The following GRM4 variants were observed in gnomAD, a reference collection of about 807,000 sequenced individuals.
The protein encoded by GRM4 is metabotropic glutamate receptor 4.
GRM4 carries 28 observed loss-of-function variants against 81.7 expected under a neutral mutation model. The ratio of observed to expected loss-of-function variants is 0.34; its 90% CI spans 0.25 to 0.47. The LOEUF (loss-of-function observed/expected upper bound fraction) is 0.47. Among genes scored for constraint, GRM4 ranks in the 20% least tolerant of loss-of-function variants. GRM4 has a pLI of 1.00. For missense variants in GRM4, 948 were observed against 1,290.0 expected, an observed-to-expected ratio of 0.73 and a Z score of 4.06; for synonymous variants, 488 against 528.8, an observed-to-expected ratio of 0.92 and a Z score of 1.06.
chr6:34,122,008 T>C (rs1181170767), intron 2 of GRM4, among the ~76,000 whole-genome samples: 1 of 151,946 alleles, frequency 6.6e-6, no homozygotes, highest in African/African-American at 2.4e-5. Flanking sequence ...TGCTCAGTAC[T>C]GAGATGCCCG....
rs2499721 is a variant in GRM4 at position 34,115,165 on chromosome 6, A to G, written c.519+17813T>C. 6.3e-4 allele frequency among the ~76,000 whole-genome samples: 96 copies of G among 152,284 alleles called. No individual in the cohort carries two copies. Among genetic ancestry groups the G allele is most frequent in the African/African-American group, 2.3e-3 (95 of 41,564 alleles). On this transcript the variant is annotated intron_variant, in intron 2 of 10. Coordinates refer to ENST00000538487, the MANE Select transcript of GRM4 (RefSeq NM_000841.4). This position sits in a 1 kb window ranked among gnomAD's most constrained non-coding sequence, Gnocchi z 4.1. ...GTCAGGGCCCTGCCTAAACGCCAAC[A>G]CGCTGCCTCTGGGCCAGCCACCAGC...
At chr6:34,071,757 C>T (rs1651325486) in intron 3 of GRM4, among the ~76,000 whole-genome samples, 1 of 149,162 alleles carries the variant, frequency 6.7e-6, no homozygotes, top group African/African-American at 2.5e-5. Context: ...AACCATACAT[C>T]ACCACACAGA....
At chr6:34,053,386 T>C (rs1394098235) in intron 6 of GRM4, among the ~76,000 whole-genome samples, 1 of 151,050 alleles carries the variant, frequency 6.6e-6, no homozygotes, top group Non-Finnish European at 1.5e-5. Flanking sequence ...TGCCTGCCCC[T>C]CCCCCCAGGG....
At chr6:34,154,260 C>T (rs1455296652) in intron 1 of GRM4, among the ~76,000 whole-genome samples, 1 of 152,214 alleles carries the variant, frequency 6.6e-6, no homozygotes, top group Non-Finnish European at 1.5e-5. Context: ...TCCCCGCACA[C>T]ACCTCCCCTC....
Position 34,124,716 on chromosome 6 carries a change from G to A in GRM4, c.519+8262C>T, listed in dbSNP as rs1769953421. Among the ~76,000 whole-genome samples the A allele has an allele frequency of 3.9e-5, 6 of 152,196 alleles. No homozygotes were observed. The South Asian group carries it at 1.0e-3, about 26-fold the overall frequency. On this transcript the variant is annotated intron_variant, in intron 2 of 10. Coordinates refer to ENST00000538487, the MANE Select transcript of GRM4 (RefSeq NM_000841.4). ...GACGGACCGCTGCTCTAGCAGTGCC[G>A]GGCATGGAGATGGCCAGTAGGTTCA...
chr6:34,065,364 C>T (rs1766402869), intron 3 of GRM4, among the ~76,000 whole-genome samples: 1 of 150,322 alleles, frequency 6.7e-6, no homozygotes, highest in Non-Finnish European at 1.5e-5. Context: ...TGCCCCAAGT[C>T]TCTCTCGTTG....
intron 2 of GRM4, among the ~76,000 whole-genome samples, chr6:34,105,033 G>A (rs946092733): frequency 8.5e-5 from 13 of 152,134 alleles, no homozygotes; most frequent in African/African-American, 2.9e-4. Flanking sequence ...TGGCCAGGCC[G>A]AGAAAATTAA....
intron 3 of GRM4, among the ~76,000 whole-genome samples, chr6:34,072,533 C>A (rs1213902375): frequency 6.6e-6 from 1 of 152,036 alleles, no homozygotes; most frequent in Non-Finnish European, 1.5e-5. Flanking sequence ...CATAGATACC[C>A]CACACACAGA....
intron 5 of GRM4, among the ~76,000 whole-genome samples, chr6:34,058,096 G>A (rs980477032): frequency 6.6e-6 from 1 of 152,164 alleles, no homozygotes; most frequent in Non-Finnish European, 1.5e-5. Flanking sequence ...TGGGGCAGGT[G>A]TGGATGTGGG....
chr6:34,100,319 C>T (rs903596717), intron 2 of GRM4, among the ~76,000 whole-genome samples: 1 of 152,246 alleles, frequency 6.6e-6, no homozygotes, highest in African/African-American at 2.4e-5. Flanking sequence ...TCTGGCCCTC[C>T]TCTGCCCGTA....
Position 34,080,815 on chromosome 6 carries a change from TTC to T in GRM4, c.736+11066_736+11067del, listed in dbSNP as rs138360275. On this transcript the variant is annotated intron_variant, in intron 3 of 10. Coordinates refer to ENST00000538487, the MANE Select transcript of GRM4 (RefSeq NM_000841.4). This position sits in a 1 kb window ranked among gnomAD's most constrained non-coding sequence, Gnocchi z 5.4. ...TGAGGGATCCTGATCCACTTCTCTC[TTC>T]TCTCTCTCTCTCTCACACACACACA... 1.3e-4 allele frequency among the ~76,000 whole-genome samples: 19 copies of T among 149,260 alleles called. No individual in the cohort carries two copies. The highest frequency in any genetic ancestry group is 3.4e-3 in the Middle Eastern group (1 of 294).
chr6:34,144,663 C>A (rs1332564366), intron 1 of GRM4, among the ~76,000 whole-genome samples: 1 of 152,048 alleles, frequency 6.6e-6, no homozygotes, highest in Admixed American at 6.5e-5. Context: ...GCCCTCCCGC[C>A]GGGAGACTGC....
chr6:34,064,340 TA>T lies in GRM4; in HGVS notation c.737-2313del, dbSNP rs1283888591. ...GTGTAATCACCATATCTCCAATTTA[TA>T]AATGAAGAAATTGAGGCACAGAGAG... On this transcript the variant is annotated intron_variant, in intron 3 of 10. Transcript: ENST00000538487. The surrounding 1 kb of genome is among the most constrained non-coding windows in gnomAD (Gnocchi z 4.4). Among the ~76,000 whole-genome samples the T allele has an allele frequency of 6.6e-6, 1 of 152,216 alleles. No homozygotes were observed. The highest frequency in any genetic ancestry group is 2.4e-5 in the African/African-American group (1 of 41,456).
At chr6:34,073,048 ACAC>A (rs1767061469) in intron 3 of GRM4, among the ~76,000 whole-genome samples, 1 of 88,898 alleles carries the variant, frequency 1.1e-5, no homozygotes, top group Non-Finnish European at 2.4e-5. Flanking sequence ...CACCACACAC[ACAC>A]ATCACCACAC....
intron 3 of GRM4, among the ~76,000 whole-genome samples, chr6:34,065,860 C>A (rs1166780951): frequency 1.3e-5 from 2 of 152,214 alleles, no homozygotes; most frequent in Non-Finnish European, 2.9e-5. Context: ...GTAGCAGGAG[C>A]AGAGCCACCT....
intron 1 of GRM4, among the ~76,000 whole-genome samples, chr6:34,145,362 G>C (rs920242650): frequency 2.0e-5 from 3 of 152,120 alleles, no homozygotes; most frequent in Admixed American, 2.0e-4. Context: ...GAGGGAGATC[G>C]GCGGCAACCC....
Position 34,069,871 on chromosome 6 carries a change from G to A in GRM4, c.737-7843C>T, listed in dbSNP as rs1299463753. 1.3e-5 allele frequency among the ~76,000 whole-genome samples: 2 copies of A among 152,126 alleles called. No homozygotes were observed. Among genetic ancestry groups the A allele is most frequent in the African/African-American group, 2.4e-5 (1 of 41,430 alleles). ...TGCCAGGAGCACCCCCACCTCAGCT[G>A]CTCAGCCACCCTCTAGCTCCCCACC... On this transcript the variant is annotated intron_variant, in intron 3 of 10. Transcript: ENST00000538487. This position sits in a 1 kb window ranked among gnomAD's most constrained non-coding sequence, Gnocchi z 6.4.
Position 34,145,988 on chromosome 6 carries a change from CAGCTCACCTACCCCG to C in GRM4, c.-367_-364+11del, listed in dbSNP as rs1347304241. The C allele has an allele frequency of 8.1e-6, 8 of 985,232 alleles. No individual in the cohort carries two copies. The East Asian group carries it at 4.5e-4, about 56-fold the overall frequency. 61.0% of individuals were successfully genotyped at this position (985,232 alleles called of 1,614,324 possible). ...CCCTTCCTCCTCCCCGTGCGCGTGC[CAGCTCACCTACCCCG>C]AGGACATGGCGGGGACCCCTTCTCA... On this transcript the variant is annotated splice_donor_variant and splice_donor_5th_base_variant and 5_prime_UTR_variant and intron_variant, in exon 1 of 11. Coordinates refer to ENST00000538487, the MANE Select transcript of GRM4 (RefSeq NM_000841.4). LOFTEE classifies it low-confidence loss of function (5UTR_SPLICE).
chr6:34,134,405 AG>A (rs1447999003), intron 1 of GRM4, among the ~76,000 whole-genome samples: 1 of 152,200 alleles, frequency 6.6e-6, no homozygotes, highest in Admixed American at 6.5e-5. Flanking sequence ...TCAGAGACCC[AG>A]GAACACAAAT....
Sources: allele counts gnomAD v4.1 joint callset (sites outside exome capture counted in the v4.1 genomes callset), GRCh38; gene constraint gnomAD v4.1.1; non-coding constraint Gnocchi (gnomAD v3.1); transcripts MANE v1.5; gene names NCBI Gene and HGNC (gene_info 2026-07-23, HGNC 2026-07-21).